TMCO4: variants seen among roughly 807,000 people sequenced by gnomAD.
TMCO4 encodes the protein transmembrane and coiled-coil domains 4, also known as transmembrane and coiled-coil domain-containing protein 4.
In TMCO4, 58 loss-of-function variants were observed where a neutral mutation model predicts 64.7. That is an observed-to-expected ratio of 0.90 (90% CI 0.73 to 1.12). TMCO4 has a LOEUF of 1.12. TMCO4 is among the 50% of genes most tolerant of loss of function. TMCO4 has a pLI of 0.00. For missense variants in TMCO4, 780 were observed against 825.9 expected (o/e 0.94, Z 0.68); for synonymous variants, 325 against 346.1 (o/e 0.94, Z 0.68).
chr1:19,769,621 G>T lies in TMCO4; in HGVS notation c.382+921C>A, dbSNP rs558509863. On this transcript the variant is annotated intron_variant, in intron 6 of 15. Transcript: ENST00000294543. ...CTGCTTGCCATCAGAATAAACATCA[G>T]AGGTCACTGCATAAAAGCGTCTCCC... Among the ~76,000 whole-genome samples the T allele has an allele frequency of 3.3e-5, 5 of 152,340 alleles. No homozygotes were observed. In the South Asian group the frequency reaches 6.2e-4, roughly 19 times the overall value.
At chr1:19,792,108 G>A (rs1397142471) in intron 2 of TMCO4, among the ~76,000 whole-genome samples, 1 of 152,100 alleles carries the variant, frequency 6.6e-6, no homozygotes, top group East Asian at 1.9e-4. Flanking sequence ...GGAACTATGC[G>A]TCCATTAAAC....
At chr1:19,781,366 C>T (rs987518078) in intron 3 of TMCO4, among the ~76,000 whole-genome samples, 1 of 151,442 alleles carries the variant, frequency 6.6e-6, no homozygotes, top group African/African-American at 2.4e-5. Context: ...ACTTAGGAAG[C>T]TAAGGTGAGA....
intron 14 of TMCO4, among the ~76,000 whole-genome samples, chr1:19,696,431 T>C (rs1389845399): frequency 6.6e-6 from 1 of 152,050 alleles, no homozygotes; most frequent in Non-Finnish European, 1.5e-5. Context: ...GTGCCTGTGG[T>C]CCCAGCTACT....
intron 13 of TMCO4, among the ~76,000 whole-genome samples, chr1:19,720,250 G>A (rs1231517080): frequency 8.5e-5 from 13 of 152,104 alleles, no homozygotes; most frequent in South Asian, 2.1e-4. Context: ...GAGTCCTCCC[G>A]CCTCGGCCTT....
At chr1:19,685,838 C>A in intron 15 of TMCO4, among the ~76,000 whole-genome samples, 1 of 151,928 alleles carries the variant, frequency 6.6e-6, no homozygotes, top group Admixed American at 6.6e-5. Flanking sequence ...CTCAGCCTCC[C>A]GAGTAGCAGG....
chr1:19,716,057 C>G (rs866452712), intron 13 of TMCO4, among the ~76,000 whole-genome samples: 6 of 152,266 alleles, frequency 3.9e-5, no homozygotes, highest in Admixed American at 6.5e-5. Flanking sequence ...TGGATCATAC[C>G]TGGAATCACA....
intron 13 of TMCO4, among the ~76,000 whole-genome samples, chr1:19,730,030 T>C (rs1218486300): frequency 6.6e-6 from 1 of 152,182 alleles, no homozygotes; most frequent in Non-Finnish European, 1.5e-5. Flanking sequence ...ATAATGCCAG[T>C]AAAAATGTTT....
intron 2 of TMCO4, among the ~76,000 whole-genome samples, chr1:19,791,283 T>C (rs61406672): frequency 0.031 from 4,679 of 151,544 alleles, 238 homozygotes; most frequent in African/African-American, 0.11. Context: ...AACAAAACTG[T>C]ACATCCTGTA....
At chr1:19,789,763 G>A (rs1313992037) in intron 2 of TMCO4, among the ~76,000 whole-genome samples, 4 of 151,856 alleles carry the variant, frequency 2.6e-5, no homozygotes, top group African/African-American at 9.7e-5. Flanking sequence ...TTGTCAGTAA[G>A]AAAAGGAGGC....
At position 19,791,667 on chromosome 1, in the gene TMCO4, C is replaced by T. The variant is rs551298675; in HGVS notation, c.-100-4550G>A. Among the ~76,000 whole-genome samples the T allele has an allele frequency of 5.3e-5, 8 of 151,728 alleles. No individual in the cohort carries two copies. The South Asian group carries it at 1.2e-3, about 24-fold the overall frequency. On this transcript the variant is annotated intron_variant, in intron 2 of 15. Coordinates refer to ENST00000294543, the MANE Select transcript of TMCO4 (RefSeq NM_181719.7). The stretch of plus-strand genomic sequence containing the variant: ...CCAAGAGAGTGCTGGATTCCTGCGA[C>T]GAGAAAAAGCCCCTTCTGTCAGGAC...
At chr1:19,686,871 G>A (rs1332683103) in intron 15 of TMCO4, among the ~76,000 whole-genome samples, 1 of 152,186 alleles carries the variant, frequency 6.6e-6, no homozygotes, top group East Asian at 1.9e-4. Flanking sequence ...GAGTTCAAGG[G>A]CCTGGCACTT....
chr1:19,713,062 T>C (rs1449112356), intron 13 of TMCO4, among the ~76,000 whole-genome samples: 3 of 152,116 alleles, frequency 2.0e-5, no homozygotes, highest in South Asian at 4.2e-4. Context: ...GGAATTCACG[T>C]GCAAGGCCTC....
intron 7 of TMCO4, among the ~76,000 whole-genome samples, chr1:19,752,004 C>T (rs954702208): frequency 6.7e-5 from 10 of 148,936 alleles, no homozygotes; most frequent in African/African-American, 2.5e-4. Context: ...GCCGAGATGG[C>T]GCCACTGCAC....
At chr1:19,700,709 G>T in intron 14 of TMCO4, 59 bp downstream of exon 14, 1 of 1,386,818 alleles carries the variant, frequency 7.2e-7, no homozygotes, top group Non-Finnish European at 1.0e-6. Context: ...CAGAGCCTGG[G>T]CATACTAAGT....
Position 19,780,644 on chromosome 1 carries a change from G to C in TMCO4, c.115C>G (p.Arg39Gly). The C allele has an allele frequency of 1.2e-6, 2 of 1,613,940 alleles. No individual in the cohort carries two copies. Among genetic ancestry groups the C allele is most frequent in the Non-Finnish European group, 1.7e-6 (2 of 1,179,928 alleles). Residue 39 changes from arginine (R) to glycine (G), a missense_variant, in exon 4 of 16, where the codon CGC becomes GGC. Physicochemically the swap from Arg to Gly is moderately radical, Grantham distance 125. Transcript: ENST00000294543. ...PTGRELTEAN[R>G]FAYAALCGIS... The stretch of plus-strand genomic sequence containing the variant: ...CCACAGAGGGCAGCATAGGCGAAGC[G>C]GTTGGCCTCAGTCAGCTCCCGGCCC...
At chr1:19,758,896 T>C (rs2042380453) in intron 6 of TMCO4, among the ~76,000 whole-genome samples, 1 of 151,032 alleles carries the variant, frequency 6.6e-6, no homozygotes, top group Non-Finnish European at 1.5e-5. Context: ...AGGTCAGGAG[T>C]TCAAGACCAG....
chr1:19,767,809 T>C (rs2042802187), intron 6 of TMCO4, among the ~76,000 whole-genome samples: 1 of 152,030 alleles, frequency 6.6e-6, no homozygotes, highest in Non-Finnish European at 1.5e-5. Flanking sequence ...AATGAGAGGA[T>C]CGCCGGGCAT....
rs1373912322 is a variant in TMCO4, at chr1:19,694,462, C to A, written c.1472G>T (p.Arg491Met). The A allele has an allele frequency of 6.2e-7, 1 of 1,614,038 alleles. No individual in the cohort carries two copies. Among genetic ancestry groups the A allele is most frequent in the Non-Finnish European group, 8.5e-7 (1 of 1,179,990 alleles). The change falls in exon 15 of 16, where the codon AGG becomes ATG. Residue 491 changes from arginine to methionine, a missense_variant. Transcript: ENST00000294543. ...AGAGGTCAGGTCCACGTTCTCCACC[C>A]TCCTGTCCTGCAGCAGCACGGGCTG... ...GLQPVLLQDR[R>M]VENVDLTSVV...
At chr1:19,735,669 T>C (rs933985062) in intron 13 of TMCO4, among the ~76,000 whole-genome samples, 1 of 152,200 alleles carries the variant, frequency 6.6e-6, no homozygotes, top group African/African-American at 2.4e-5. Flanking sequence ...TGGTTCATGG[T>C]AATTAATTCA....
Sources: gnomAD v4.1 joint callset for allele counts (sites outside exome capture counted in the v4.1 genomes callset) on GRCh38, gnomAD v4.1.1 for gene constraint, MANE v1.5 for transcripts, NCBI Gene and HGNC (gene_info 2026-07-23, HGNC 2026-07-21) for gene names.